Variants in NLGN1 observed in about 807,000 individuals in gnomAD.
NLGN1 encodes neuroligin-1.
In NLGN1, 12 loss-of-function variants were observed where a neutral mutation model predicts 65.5. That is an observed-to-expected ratio of 0.18 (90% CI 0.12 to 0.30). NLGN1 has a LOEUF of 0.30. Among genes scored for constraint, NLGN1 ranks in the 10% least tolerant of loss-of-function variants. The probability of loss-of-function intolerance (pLI) is 1.00; values close to 1 mark genes in which losing one functional copy is unlikely to be tolerated. For missense variants in NLGN1, 750 were observed against 1,007.1 expected (o/e 0.74, Z 3.46); for synonymous variants, 350 against 359.5 (o/e 0.97, Z 0.30).
At chr3:173,657,881 T>C (rs1248384984) in intron 3 of NLGN1, among the ~76,000 whole-genome samples, 1 of 151,884 alleles carries the variant, frequency 6.6e-6, no homozygotes, top group Non-Finnish European at 1.5e-5. Flanking sequence ...CTTATGACTC[T>C]CCTTTTTTTC....
intron 2 of NLGN1, among the ~76,000 whole-genome samples, chr3:173,464,038 T>C (rs1247924154): frequency 6.6e-6 from 1 of 152,064 alleles, no homozygotes; most frequent in East Asian, 1.9e-4. Flanking sequence ...ATTTCTAAAG[T>C]CTAAAGACAT....
chr3:173,969,320 T>C (rs1715650034), intron 4 of NLGN1, among the ~76,000 whole-genome samples: 1 of 152,140 alleles, frequency 6.6e-6, no homozygotes, highest in Non-Finnish European at 1.5e-5. Context: ...ACAGATTATT[T>C]CCTAGTACTA....
intron 3 of NLGN1, among the ~76,000 whole-genome samples, chr3:173,606,346 T>G (rs1170642979): frequency 6.6e-6 from 1 of 152,120 alleles, no homozygotes; most frequent in Non-Finnish European, 1.5e-5. Context: ...AGCTTGCATC[T>G]GAATGTAGCT....
chr3:174,047,154 A>G (rs1733794795), intron 4 of NLGN1, among the ~76,000 whole-genome samples: 2 of 152,020 alleles, frequency 1.3e-5, no homozygotes, highest in South Asian at 4.1e-4. Flanking sequence ...TATTTATTTG[A>G]AGGTTATAAT....
intron 4 of NLGN1, among the ~76,000 whole-genome samples, chr3:174,045,668 A>G (rs552483445): frequency 1.3e-5 from 2 of 152,188 alleles, no homozygotes; most frequent in African/African-American, 4.8e-5. Context: ...ATTTGATTCT[A>G]TGTACTACCC....
At chr3:173,830,011 G>GT (rs869219471) in intron 4 of NLGN1, among the ~76,000 whole-genome samples, 4 of 39,504 alleles carry the variant, frequency 1.0e-4, no homozygotes, top group East Asian at 3.9e-4. Context: ...GTAGTGTGGG[G>GT]GGGGGAGGGA....
intron 4 of NLGN1, among the ~76,000 whole-genome samples, chr3:174,202,457 G>GA (rs201295301): frequency 6.4e-5 from 9 of 140,514 alleles, no homozygotes; most frequent in East Asian, 4.0e-4. Context: ...TTTTCTACTA[G>GA]AAAAAAAAAA....
chr3:173,850,758 A>G (rs1029274957), intron 4 of NLGN1, among the ~76,000 whole-genome samples: 1 of 151,938 alleles, frequency 6.6e-6, no homozygotes, highest in Non-Finnish European at 1.5e-5. Context: ...GTTTTTTGAG[A>G]CACTTTCTCA....
intron 4 of NLGN1, among the ~76,000 whole-genome samples, chr3:174,028,485 G>C (rs1421334718): frequency 6.6e-6 from 1 of 152,160 alleles, no homozygotes; most frequent in African/African-American, 2.4e-5. Context: ...AGAGAGTTGT[G>C]GAACTTTGAA....
chr3:173,697,987 G>A (rs1340733143), intron 3 of NLGN1, among the ~76,000 whole-genome samples: 1 of 150,256 alleles, frequency 6.7e-6, no homozygotes, highest in Admixed American at 6.6e-5. Flanking sequence ...CATTGCAGTG[G>A]ATGGTAACCA....
chr3:173,929,132 T>C (rs1017178307), intron 4 of NLGN1, among the ~76,000 whole-genome samples: 1 of 152,216 alleles, frequency 6.6e-6, no homozygotes, highest in African/African-American at 2.4e-5. Flanking sequence ...AAAAATTAGA[T>C]ATATTCCATT....
At chr3:173,881,542 A>G (rs1051616446) in intron 4 of NLGN1, among the ~76,000 whole-genome samples, 1 of 148,162 alleles carries the variant, frequency 6.7e-6, no homozygotes, top group African/African-American at 2.5e-5. Context: ...CTCCTGCCTC[A>G]GCCTCCCGAG....
intron 3 of NLGN1, among the ~76,000 whole-genome samples, chr3:173,758,798 A>G (rs1560311500): frequency 6.6e-6 from 1 of 151,982 alleles, no homozygotes; most frequent in African/African-American, 2.4e-5. Flanking sequence ...AAGCTAAATA[A>G]ATGAACGCAG....
At chr3:173,570,583 C>T (rs1463382645) in intron 2 of NLGN1, among the ~76,000 whole-genome samples, 1 of 152,168 alleles carries the variant, frequency 6.6e-6, no homozygotes, top group Non-Finnish European at 1.5e-5. Flanking sequence ...CTCCAGGAAG[C>T]CCTCCCCCCA....
At chr3:173,833,781 A>G (rs796627313) in intron 4 of NLGN1, among the ~76,000 whole-genome samples, 1 of 152,160 alleles carries the variant, frequency 6.6e-6, no homozygotes, top group South Asian at 2.1e-4. Context: ...GATTACAGGC[A>G]TGAGCCACCG....
chr3:173,448,746 T>A (rs1720883757), intron 2 of NLGN1, among the ~76,000 whole-genome samples: 1 of 152,200 alleles, frequency 6.6e-6, no homozygotes, highest in South Asian at 2.1e-4. Context: ...CAGAGCCTGT[T>A]ATTGGTCTAT....
chr3:173,805,487 A>G (rs1716446134), intron 3 of NLGN1, among the ~76,000 whole-genome samples: 1 of 152,214 alleles, frequency 6.6e-6, no homozygotes, highest in Admixed American at 6.5e-5. Context: ...ATCTATTGTC[A>G]TATTTTCAGT....
At chr3:173,739,578 A>G (rs1038337168) in intron 3 of NLGN1, among the ~76,000 whole-genome samples, 1 of 152,106 alleles carries the variant, frequency 6.6e-6, no homozygotes, top group African/African-American at 2.4e-5. Flanking sequence ...GTCCTCCTGG[A>G]AAAGGTACTT....
chr3:173,935,393 A>G (rs1197614488), intron 4 of NLGN1, among the ~76,000 whole-genome samples: 1 of 151,996 alleles, frequency 6.6e-6, no homozygotes, highest in Non-Finnish European at 1.5e-5. Flanking sequence ...ATAAAGTCTA[A>G]TCTAAAACTT....
Sources: gnomAD v4.1 joint callset for allele counts (sites outside exome capture counted in the v4.1 genomes callset) on GRCh38, gnomAD v4.1.1 for gene constraint, MANE v1.5 for transcripts, NCBI Gene and HGNC (gene_info 2026-07-23, HGNC 2026-07-21) for gene names.